Variants in MBD3 observed in about 807,000 individuals in gnomAD.
The protein encoded by MBD3 is methyl-CpG-binding domain protein 3.
In MBD3, 13 loss-of-function variants were observed where a neutral mutation model predicts 31.2. The observed-to-expected ratio is 0.42, with a 90% CI of 0.27 to 0.66. The LOEUF is 0.66. MBD3 is among the 30% of genes least tolerant of loss of function. MBD3 has a pLI of 0.26. For missense variants in MBD3, 440 were observed against 426.5 expected, an observed-to-expected ratio of 1.03 and a Z score of -0.28; for synonymous variants, 223 against 187.4, an observed-to-expected ratio of 1.19 and a Z score of -1.55.
intron 3 of MBD3, chr19:1,583,524 G>A (rs948422579): frequency 7.9e-5 from 12 of 151,950 alleles, no homozygotes; most frequent in African/African-American, 2.9e-4. Flanking sequence ...CACCCAACCA[G>A]CGGCAGACTG....
Position 1,581,912 on chromosome 19 carries a change from C to T in MBD3, c.500-643G>A, listed in dbSNP as rs374595916. Among the ~76,000 whole-genome samples, 6 of 152,026 alleles carry T rather than the reference C, an allele frequency of 3.9e-5. No homozygotes were observed. In the East Asian group the frequency reaches 7.7e-4, roughly 20 times the overall value. ...CCTCCCAAGTAGCTGAGACTACAGG[C>T]GGCCGCCACTACACCCGGCTAATTT... On this transcript the variant is annotated intron_variant, in intron 4 of 6. Transcript: ENST00000434436.
intron 1 of MBD3, among the ~76,000 whole-genome samples, chr19:1,588,147 G>A (rs1378982491): frequency 6.6e-6 from 1 of 152,164 alleles, no homozygotes; most frequent in Non-Finnish European, 1.5e-5. Context: ...CCAACCCCGG[G>A]CAAATTCCAT....
chr19:1,585,117 G>C lies in MBD3; in HGVS notation c.208C>G (p.Leu70Val). Residue 70 changes from leucine to valine, a missense_variant, in exon 2 of 7, where the codon CTG becomes GTG. Physicochemically the swap from Leu to Val is conservative, Grantham distance 32 (BLOSUM62 1). Transcript: ENST00000434436. This position sits in a 1 kb window ranked among gnomAD's most constrained non-coding sequence, Gnocchi z 4.1. ...CGGCTCTTGTTCATCTTGCTCATCA[G>C]CATCTTGCCCGTGCGGAAGTCGAAG... Reference protein sequence around the residue: ...STFDFRTGKMLMSKMNKSRQR... With the variant: ...STFDFRTGKMVMSKMNKSRQR... The C allele has an allele frequency of 1.9e-6, 3 of 1,612,528 alleles. No homozygotes were observed. The highest frequency in any genetic ancestry group is 2.5e-6 in the Non-Finnish European group (3 of 1,179,504).
chr19:1,581,771 C>CTTT (rs35312920), intron 4 of MBD3: 25 of 162,272 alleles, frequency 1.5e-4, no homozygotes, highest in Middle Eastern at 2.8e-3. Context: ...TGCTCTGTAT[C>CTTT]TTTTTTTTTT....
rs1283584525 is a variant in MBD3 at position 1,592,551 on chromosome 19, C to T, written c.81G>A (p.Ser27=). 1 of 1,440,098 alleles carries T rather than the reference C, an allele frequency of 6.9e-7. No individual in the cohort carries two copies. Among genetic ancestry groups the T allele is most frequent in the Admixed American group, 1.9e-5 (1 of 51,354 alleles). The allele number at this position is 1,440,098 out of a possible 1,614,324, so 89.2% of individuals were successfully genotyped here. ...AGTAAAAGACATCCCTGTGGCCGGC[C>T]GACAGCCCCGACCTTCTGGGCACTT... The part of the protein sequence containing the change: ...REEVPRRSGL[S]AGHRDVFYYS... The change falls in exon 1 of 7, where the codon TCG becomes TCA. Residue 27 remains serine (S), a synonymous_variant. Transcript: ENST00000434436.
At chr19:1,582,528 C>T in intron 4 of MBD3, 94 bp downstream of exon 4, 1 of 1,213,942 alleles carries the variant, frequency 8.2e-7, no homozygotes, top group Non-Finnish European at 1.2e-6. Context: ...AAAGCAGGAA[C>T]AGCCATCCAC....
At position 1,578,935 on chromosome 19, in the gene MBD3, G is replaced by A. The variant is rs1917281236; in HGVS notation, c.678-397C>T. On this transcript the variant is annotated intron_variant, in intron 5 of 6. Transcript: ENST00000434436. This position sits in a 1 kb window ranked among gnomAD's most constrained non-coding sequence, Gnocchi z 6.1. Reference sequence around the variant, plus strand: ...GTAGAGGCTCATGCCTGTAATCCCAGCACTTTGGGAGGCCGAGGTGGGCAG... The same window carrying A: ...GTAGAGGCTCATGCCTGTAATCCCAACACTTTGGGAGGCCGAGGTGGGCAG... Among the ~76,000 whole-genome samples the A allele has an allele frequency of 6.6e-6, 1 of 152,142 alleles. No individual in the cohort carries two copies. Among genetic ancestry groups the A allele is most frequent in the East Asian group, 1.9e-4 (1 of 5,182 alleles).
chr19:1,579,552 C>T (rs912637982), intron 5 of MBD3, among the ~76,000 whole-genome samples: 1 of 152,104 alleles, frequency 6.6e-6, no homozygotes, highest in African/African-American at 2.4e-5. Context: ...CTTTGTTTCT[C>T]CCCAGTTGTG....
At chr19:1,590,034 G>A (rs926031659) in intron 1 of MBD3, among the ~76,000 whole-genome samples, 4 of 152,166 alleles carry the variant, frequency 2.6e-5, no homozygotes, top group African/African-American at 9.7e-5. Context: ...GGGGCCGGGT[G>A]TGGTGGCTCA....
rs1332156108 is a variant in MBD3, at chr19:1,576,279, C to T, written c.*1885G>A. 1 of 152,184 alleles carries T rather than the reference C, an allele frequency of 6.6e-6. No individual in the cohort carries two copies. The highest frequency in any genetic ancestry group is 1.5e-5 in the Non-Finnish European group (1 of 68,056). 9.4% of individuals were successfully genotyped at this position (152,184 alleles called of 1,614,324 possible). ...TGGCTAGTGAGCTGAAGTCCAGGGTCCCGGGGCACAGCTCCCCTCCCTGCA... is the reference window on the plus strand; with the variant it reads ...TGGCTAGTGAGCTGAAGTCCAGGGTTCCGGGGCACAGCTCCCCTCCCTGCA... On this transcript the variant is annotated 3_prime_UTR_variant, in exon 7 of 7. Coordinates refer to ENST00000434436, the MANE Select transcript of MBD3 (RefSeq NM_001281453.2).
chr19:1,588,800 A>G (rs2060690925), intron 1 of MBD3, among the ~76,000 whole-genome samples: 1 of 150,752 alleles, frequency 6.6e-6, no homozygotes, highest in Non-Finnish European at 1.5e-5. Context: ...AAAAAAAAAA[A>G]AGGTGTAAGG....
chr19:1,575,139 G>GT lies in MBD3; in HGVS notation c.*3024dup. ...GTGAGGCTCTTGCTGCTGCTGGCAAGTGCCAGAAGGGCTGCCATGGTGGTT... is the reference window on the plus strand; with the variant it reads ...GTGAGGCTCTTGCTGCTGCTGGCAAGTTGCCAGAAGGGCTGCCATGGTGGTT... On this transcript the variant is annotated 3_prime_UTR_variant, in exon 7 of 7. Transcript: ENST00000434436. 1 of 419,348 alleles carries GT rather than the reference G, an allele frequency of 2.4e-6. No individual in the cohort carries two copies. The highest frequency in any genetic ancestry group is 1.7e-5 in the South Asian group (1 of 58,872). The allele number at this position is 419,348 out of a possible 1,614,324, so 26.0% of individuals were successfully genotyped here.
Position 1,576,801 on chromosome 19 carries a change from TCAGGAAGACGTGGTCCC to T in MBD3, c.*1346_*1362del, listed in dbSNP as rs531951801. On this transcript the variant is annotated 3_prime_UTR_variant, in exon 7 of 7. Coordinates refer to ENST00000434436, the MANE Select transcript of MBD3 (RefSeq NM_001281453.2). ...GGGTCCCAGCCAGTGGGCACCAACC[TCAGGAAGACGTGGTCCC>T]CACCTGGAGCTTCCCTCGGCTGCCC... 31 of 152,366 alleles carry T rather than the reference TCAGGAAGACGTGGTCCC, an allele frequency of 2.0e-4. No individual in the cohort carries two copies. The highest frequency in any genetic ancestry group is 6.7e-4 in the African/African-American group (28 of 41,546). The allele number at this position is 152,366 out of a possible 1,614,324, so 9.4% of individuals were successfully genotyped here.
rs2145591768 is a variant in MBD3 at position 1,578,700 on chromosome 19, C to T, written c.678-162G>A. Among the ~76,000 whole-genome samples, 1 of 152,296 alleles carries T rather than the reference C, an allele frequency of 6.6e-6. No individual in the cohort carries two copies. The highest frequency in any genetic ancestry group is 1.9e-4 in the East Asian group (1 of 5,168). The stretch of plus-strand genomic sequence containing the variant: ...GTGCCACCCCTCCCTTCACAATCCA[C>T]GCAGAGAATGACCGGCTGCCGCTGG... On this transcript the variant is annotated intron_variant, in intron 5 of 6. Transcript: ENST00000434436. This position sits in a 1 kb window ranked among gnomAD's most constrained non-coding sequence, Gnocchi z 6.1.
At chr19:1,582,162 C>G (rs117138672) in intron 4 of MBD3, among the ~76,000 whole-genome samples, 1 of 151,926 alleles carries the variant, frequency 6.6e-6, no homozygotes. Context: ...CCAGCCCCGC[C>G]AAGTGCTGGG....
chr19:1,590,759 A>G (rs2060699914), intron 1 of MBD3, among the ~76,000 whole-genome samples: 1 of 152,212 alleles, frequency 6.6e-6, no homozygotes, highest in Non-Finnish European at 1.5e-5. Flanking sequence ...ACACGTATAG[A>G]AAAAAGTGGG....
At chr19:1,590,386 C>T (rs942146404) in intron 1 of MBD3, among the ~76,000 whole-genome samples, 2 of 152,214 alleles carry the variant, frequency 1.3e-5, no homozygotes, top group African/African-American at 4.8e-5. Context: ...CTTTGGGAGG[C>T]TGAGGCGGGT....
chr19:1,577,727 G>A lies in MBD3; in HGVS notation c.*437C>T, dbSNP rs1917237530. On this transcript the variant is annotated 3_prime_UTR_variant, in exon 7 of 7. Transcript: ENST00000434436. ...GAGTCCCGTCCTCACGCTGCACAGT[G>A]GGTGATGTGAGTTTCAAAACTACGC... 6.0e-6 allele frequency: 1 copy of A among 166,038 alleles called. No homozygotes were observed. Among genetic ancestry groups the A allele is most frequent in the Non-Finnish European group, 1.3e-5 (1 of 75,996 alleles). 10.3% of individuals were successfully genotyped at this position (166,038 alleles called of 1,614,324 possible).
In MBD3 at chr19:1,576,567, G is replaced by A. The variant is rs1917196812; in HGVS notation, c.*1597C>T. On this transcript the variant is annotated 3_prime_UTR_variant, in exon 7 of 7. Transcript: ENST00000434436. ...TTGGGTTGTGAATGTCCGCGAGGTT[G>A]GGGGACCTGCTGGCCCTGTCCCCAC... is the stretch of plus-strand genomic sequence containing the variant. 6.6e-6 allele frequency: 1 copy of A among 152,272 alleles called. No homozygotes were observed. The highest frequency in any genetic ancestry group is 2.1e-4 in the South Asian group (1 of 4,836). 9.4% of individuals were successfully genotyped at this position (152,272 alleles called of 1,614,324 possible).
Sources: allele counts gnomAD v4.1 joint callset (sites outside exome capture counted in the v4.1 genomes callset), GRCh38; gene constraint gnomAD v4.1.1; non-coding constraint Gnocchi (gnomAD v3.1); transcripts MANE v1.5; gene names NCBI Gene and HGNC (gene_info 2026-07-23, HGNC 2026-07-21).